Variants in PCLO observed in about 807,000 individuals in gnomAD.
PCLO encodes protein piccolo.
A neutral mutation model predicts 427.5 loss-of-function variants in PCLO; 82 were observed. The ratio of observed to expected loss-of-function variants is 0.19; its 90% CI spans 0.16 to 0.23. The LOEUF is 0.23. PCLO is among the 10% of genes least tolerant of loss of function. The pLI, the probability that PCLO is intolerant of heterozygous loss-of-function variation, is 1.00. For synonymous variants in PCLO, 2,357 were observed against 2,155.4 expected (o/e 1.09, Z -2.59); for missense variants, 6,239 against 6,115.9 (o/e 1.02, Z -0.67).
At chr7:82,829,358 T>C (rs1345630469) in intron 16 of PCLO, among the ~76,000 whole-genome samples, 1 of 152,154 alleles carries the variant, frequency 6.6e-6, no homozygotes, top group Non-Finnish European at 1.5e-5. Context: ...TTGATTAGTC[T>C]GGGATGAGGC....
intron 10 of PCLO, 37 bp from the exon 11 acceptor site, chr7:82,847,284 G>T: frequency 8.6e-7 from 1 of 1,161,696 alleles, no homozygotes; most frequent in Non-Finnish European, 1.3e-6. Context: ...TCAAACGTGT[G>T]CTATCTCTAG....
At position 82,815,918 on chromosome 7, in the gene PCLO, A is replaced by T. The variant is rs542501220; in HGVS notation, c.14791+6577T>A. ...AAAATATAAAATGATGGTTAGATCTACGTCATTCCTATTCACACATCTACC... is the reference window on the plus strand; with the variant it reads ...AAAATATAAAATGATGGTTAGATCTTCGTCATTCCTATTCACACATCTACC... On this transcript the variant is annotated intron_variant, in intron 20 of 24. Transcript: ENST00000333891. Among the ~76,000 whole-genome samples the T allele has an allele frequency of 6.6e-5, 10 of 152,292 alleles. No homozygotes were observed. The South Asian group carries it at 2.1e-3, about 32-fold the overall frequency.
intron 3 of PCLO, among the ~76,000 whole-genome samples, chr7:83,065,721 A>T (rs1789654057): frequency 6.6e-6 from 1 of 152,118 alleles, no homozygotes; most frequent in South Asian, 2.1e-4. Context: ...ATTATACAAA[A>T]GAAGAAAAAT....
At chr7:83,084,299 T>C (rs928779082) in intron 3 of PCLO, among the ~76,000 whole-genome samples, 5 of 152,150 alleles carry the variant, frequency 3.3e-5, no homozygotes, top group African/African-American at 1.2e-4. Context: ...ATTAATATTT[T>C]GAAATGACCG....
intron 3 of PCLO, among the ~76,000 whole-genome samples, chr7:83,019,480 T>C (rs1282659544): frequency 2.6e-5 from 4 of 151,788 alleles, no homozygotes; most frequent in Non-Finnish European, 5.9e-5. Flanking sequence ...ATAATTAATA[T>C]AAATTTATAC....
chr7:82,941,155 A>C (rs556485101), intron 6 of PCLO, among the ~76,000 whole-genome samples: 1 of 152,112 alleles, frequency 6.6e-6, no homozygotes, highest in East Asian at 1.9e-4. Flanking sequence ...ATTAAAATAG[A>C]AGAAAATCCC....
intron 3 of PCLO, among the ~76,000 whole-genome samples, chr7:83,107,710 AAT>A (rs1562967474): frequency 3.0e-4 from 8 of 26,890 alleles, no homozygotes; most frequent in African/African-American, 1.4e-3. Flanking sequence ...ATAAGAAGAG[AAT>A]ATGTGCGGTG....
At chr7:82,940,099 T>C (rs1201825301) in intron 6 of PCLO, among the ~76,000 whole-genome samples, 1 of 152,188 alleles carries the variant, frequency 6.6e-6, no homozygotes, top group Non-Finnish European at 1.5e-5. Context: ...GTCATGAGAA[T>C]GGATGTATAA....
At chr7:83,019,433 G>GT (rs200958272) in intron 3 of PCLO, among the ~76,000 whole-genome samples, 143 of 147,550 alleles carry the variant, frequency 9.7e-4, no homozygotes, top group African/African-American at 2.3e-3. Context: ...CCAATCATAA[G>GT]TTTTTTTTTT....
intron 6 of PCLO, among the ~76,000 whole-genome samples, chr7:82,945,232 T>C (rs556210816): frequency 1.3e-5 from 2 of 152,268 alleles, no homozygotes; most frequent in African/African-American, 4.8e-5. Flanking sequence ...GGCTGCAAGA[T>C]AAAACTGTCC....
intron 16 of PCLO, among the ~76,000 whole-genome samples, chr7:82,829,504 A>C (rs562558930): frequency 1.4e-4 from 21 of 152,264 alleles, no homozygotes; most frequent in African/African-American, 5.1e-4. Flanking sequence ...ATAAAGCAGC[A>C]TTCCTCGCAC....
intron 3 of PCLO, among the ~76,000 whole-genome samples, chr7:83,125,560 G>C (rs934870855): frequency 2.0e-5 from 3 of 152,166 alleles, no homozygotes; most frequent in African/African-American, 7.2e-5. Flanking sequence ...TTCTGCCTTG[G>C]GATGCTGTTA....
In PCLO at chr7:82,951,225, A is replaced by T; in HGVS notation, c.9363T>A (p.Ile3121=). The T allele has an allele frequency of 6.2e-7, 1 of 1,613,682 alleles. No individual in the cohort carries two copies. The change falls in exon 6 of 25, where the codon ATT becomes ATA. Residue 3121 remains isoleucine (I), a synonymous_variant. Transcript: ENST00000333891. ...FSTTVRDLSG[I]HTADAVTSLP... is the part of the protein sequence containing the mutation. The stretch of plus-strand genomic sequence containing the variant: ...ATGAAGTCACTGCATCAGCCGTATG[A>T]ATACCAGACAAATCCCTCACTGTGG...
intron 3 of PCLO, among the ~76,000 whole-genome samples, chr7:83,076,518 C>T (rs1259892074): frequency 6.6e-6 from 1 of 152,122 alleles, no homozygotes; most frequent in Non-Finnish European, 1.5e-5. Context: ...CTGGCTCAGC[C>T]TCCCAAAGTG....
intron 6 of PCLO, among the ~76,000 whole-genome samples, chr7:82,923,637 T>C (rs1794646896): frequency 6.6e-6 from 1 of 152,050 alleles, no homozygotes; most frequent in South Asian, 2.1e-4. Flanking sequence ...TTAATTTTCT[T>C]TAATTACAAT....
chr7:83,098,302 G>A (rs1790645550), intron 3 of PCLO, among the ~76,000 whole-genome samples: 2 of 117,758 alleles, frequency 1.7e-5, no homozygotes, highest in Admixed American at 9.5e-5. Flanking sequence ...AGACACAGTA[G>A]GAGGTACTTT....
At chr7:82,769,011 A>G (rs1299524001) in intron 22 of PCLO, among the ~76,000 whole-genome samples, 1 of 152,142 alleles carries the variant, frequency 6.6e-6, no homozygotes, top group Non-Finnish European at 1.5e-5. Flanking sequence ...TAACTTGCCA[A>G]GTCGTTAAAT....
chr7:82,984,704 AT>A (rs1216519667), intron 3 of PCLO, among the ~76,000 whole-genome samples: 1 of 151,700 alleles, frequency 6.6e-6, no homozygotes, highest in African/African-American at 2.4e-5. Context: ...ATTTAGGCCT[AT>A]TTTTCTCTTA....
intron 3 of PCLO, among the ~76,000 whole-genome samples, chr7:83,038,007 ATATATATATATATATATATATATT>A (rs1240942163): frequency 9.5e-5 from 4 of 41,932 alleles, no homozygotes; most frequent in South Asian, 6.6e-4. Context: ...ATATATATAT[ATATATATATATATATATATATATT>A]TATATATTTA....
Sources: gnomAD v4.1 joint callset for allele counts (sites outside exome capture counted in the v4.1 genomes callset) on GRCh38, gnomAD v4.1.1 for gene constraint, MANE v1.5 for transcripts, NCBI Gene and HGNC (gene_info 2026-07-23, HGNC 2026-07-21) for gene names.